RHPN2: variants seen among roughly 807,000 people sequenced by gnomAD.
RHPN2 encodes rhophilin Rho GTPase binding protein 2, also known as rhophilin-2.
A neutral mutation model predicts 79.0 loss-of-function variants in RHPN2; 40 were observed. The observed-to-expected ratio is 0.51, with a 90% CI of 0.39 to 0.66. RHPN2 has a LOEUF of 0.66. Ranked by LOEUF, RHPN2 falls within the 30% of genes least tolerant of loss-of-function variation. RHPN2 has a pLI of 0.00. For missense variants in RHPN2, 686 were observed against 883.5 expected, an observed-to-expected ratio of 0.78 and a Z score of 2.83; for synonymous variants, 285 against 363.5, an observed-to-expected ratio of 0.78 and a Z score of 2.46.
At chr19:32,981,515 A>C (rs1971574935) in intron 14 of RHPN2, among the ~76,000 whole-genome samples, 1 of 150,934 alleles carries the variant, frequency 6.6e-6, no homozygotes. Flanking sequence ...GAAGGGAAAA[A>C]AAAAAAAAGA....
chr19:33,057,759 CAGG>C (rs1481708435), intron 1 of RHPN2, among the ~76,000 whole-genome samples: 1 of 151,768 alleles, frequency 6.6e-6, no homozygotes, highest in Non-Finnish European at 1.5e-5. Flanking sequence ...CAGCCCAGAC[CAGG>C]AGATCTGTAC....
Position 32,986,218 on chromosome 19 carries a change from G to C in RHPN2, c.1800+4296C>G, listed in dbSNP as rs539620977. Among the ~76,000 whole-genome samples the C allele has an allele frequency of 3.3e-5, 5 of 152,286 alleles. No individual in the cohort carries two copies. The South Asian group carries it at 1.0e-3, about 32-fold the overall frequency. On this transcript the variant is annotated intron_variant, in intron 14 of 14. Coordinates refer to ENST00000254260, the MANE Select transcript of RHPN2 (RefSeq NM_033103.5). ...ACTACAGCAGCCCCTTCCTTGGCCT[G>C]GTGTAACGATGTCACAGGCTTGAAA...
intron 3 of RHPN2, among the ~76,000 whole-genome samples, chr19:33,025,924 T>C (rs1371611822): frequency 2.6e-5 from 4 of 151,998 alleles, no homozygotes; most frequent in South Asian, 4.1e-4. Context: ...ATCTAACTTT[T>C]AAACTTATCT....
chr19:33,014,657 C>T (rs1971863529), intron 4 of RHPN2, among the ~76,000 whole-genome samples: 2 of 152,148 alleles, frequency 1.3e-5, no homozygotes, highest in African/African-American at 4.8e-5. Context: ...TGGTGGCTCA[C>T]ACCTGTAATC....
intron 4 of RHPN2, among the ~76,000 whole-genome samples, chr19:33,019,852 A>G (rs1355028004): frequency 1.3e-5 from 2 of 152,162 alleles, no homozygotes; most frequent in Non-Finnish European, 2.9e-5. Flanking sequence ...CCTATAACCA[A>G]TGCCTGGGCT....
intron 9 of RHPN2, among the ~76,000 whole-genome samples, chr19:33,000,346 G>A (rs899859704): frequency 1.1e-4 from 17 of 151,322 alleles, no homozygotes; most frequent in African/African-American, 2.4e-4. Context: ...TCAGCCTCCC[G>A]AGTAGCTGGG....
At chr19:32,989,680 AG>A (rs1197478631) in intron 14 of RHPN2, among the ~76,000 whole-genome samples, 2 of 152,234 alleles carry the variant, frequency 1.3e-5, no homozygotes, top group African/African-American at 4.8e-5. Flanking sequence ...TATTTTTAAA[AG>A]TTTGCTAGCA....
At position 33,034,498 on chromosome 19, in the gene RHPN2, C is replaced by T. The variant is rs541323595; in HGVS notation, c.186-7866G>A. 6.3e-4 allele frequency among the ~76,000 whole-genome samples: 95 copies of T among 149,700 alleles called. 1 individual carries two copies. Among genetic ancestry groups the T allele is most frequent in the Non-Finnish European group, 1.2e-3 (81 of 67,698 alleles). The stretch of plus-strand genomic sequence containing the variant: ...GTGGGCGCCTATAGTCCCAACTACT[C>T]GGGAGGCTGAGGCAGAAGAATGGCG... On this transcript the variant is annotated intron_variant, in intron 2 of 14. Coordinates refer to ENST00000254260, the MANE Select transcript of RHPN2 (RefSeq NM_033103.5).
intron 1 of RHPN2, among the ~76,000 whole-genome samples, chr19:33,049,397 T>C (rs1972169485): frequency 6.6e-6 from 1 of 152,120 alleles, no homozygotes; most frequent in East Asian, 1.9e-4. Flanking sequence ...GCTTCCAGAA[T>C]AGCCTCTGCA....
intron 2 of RHPN2, chr19:33,027,339 A>T (rs1971977213): frequency 1.3e-5 from 2 of 152,600 alleles, no homozygotes; most frequent in South Asian, 4.1e-4. Context: ...AATTTGTTTT[A>T]AAAAAAGAAA....
At chr19:32,990,478 C>T (rs1313846785) in intron 14 of RHPN2, 36 bp downstream of exon 14, 2 of 1,612,196 alleles carry the variant, frequency 1.2e-6, no homozygotes, top group Non-Finnish European at 1.7e-6. Context: ...TCACTCCACG[C>T]CACCACTGAC....
intron 1 of RHPN2, among the ~76,000 whole-genome samples, chr19:33,064,552 C>T (rs1034482516): frequency 9.6e-4 from 146 of 152,138 alleles, no homozygotes; most frequent in Middle Eastern, 3.4e-3. Flanking sequence ...CGGCCACATG[C>T]GCCTCCCCTA....
intron 14 of RHPN2, among the ~76,000 whole-genome samples, chr19:32,987,292 C>T (rs1971619484): frequency 6.6e-6 from 1 of 152,158 alleles, no homozygotes; most frequent in African/African-American, 2.4e-5. Context: ...TCAGCAGTCC[C>T]TCCCGACTCC....
intron 7 of RHPN2, 49 bp downstream of exon 7, chr19:33,007,965 C>T (rs750042172): frequency 1.2e-5 from 19 of 1,607,008 alleles, no homozygotes; most frequent in Non-Finnish European, 1.3e-5. Flanking sequence ...CCCCTGGTGC[C>T]ACCGGGTGGG....
intron 1 of RHPN2, 62 bp from the exon 2 acceptor site, chr19:33,044,426 T>A: frequency 2.0e-6 from 2 of 1,012,036 alleles, no homozygotes; most frequent in Non-Finnish European, 3.2e-6. Context: ...TGACAGGGTT[T>A]AATATAATGG....
chr19:33,026,938 C>T (rs112286739), intron 2 of RHPN2: 1 of 360,316 alleles, frequency 2.8e-6, no homozygotes, highest in Non-Finnish European at 5.4e-6. Context: ...CCCTAAAATA[C>T]CATAAGATAC....
intron 7 of RHPN2, among the ~76,000 whole-genome samples, chr19:33,006,029 A>G (rs1178704065): frequency 6.6e-6 from 1 of 151,860 alleles, no homozygotes; most frequent in African/African-American, 2.4e-5. Flanking sequence ...ACAGGCATGC[A>G]CCACCAGGCC....
chr19:32,997,954 G>A (rs891590337), intron 10 of RHPN2, among the ~76,000 whole-genome samples: 34 of 152,330 alleles, frequency 2.2e-4, no homozygotes, highest in Admixed American at 5.2e-4. Context: ...TGAGTGCAGG[G>A]AAGAAAGAGC....
intron 2 of RHPN2, among the ~76,000 whole-genome samples, chr19:33,041,647 GAGAA>G (rs1320369756): frequency 6.6e-6 from 1 of 152,148 alleles, no homozygotes; most frequent in Non-Finnish European, 1.5e-5. Context: ...GTTCCTGCCT[GAGAA>G]AGTCCAAGTT....
Sources: allele counts gnomAD v4.1 joint callset (sites outside exome capture counted in the v4.1 genomes callset), GRCh38; gene constraint gnomAD v4.1.1; transcripts MANE v1.5; gene names NCBI Gene and HGNC (gene_info 2026-07-23, HGNC 2026-07-21).